ARSJ: variants seen among roughly 807,000 people sequenced by gnomAD.
ARSJ encodes arylsulfatase J.
In ARSJ, 26 loss-of-function variants were observed where a neutral mutation model predicts 35.9. The observed-to-expected ratio is 0.72, with a 90% confidence interval of 0.53 to 1.00. The LOEUF (loss-of-function observed/expected upper bound fraction) is 1.00, where lower values mean the gene tolerates loss of function less well. ARSJ is among the 50% of genes least tolerant of loss of function. The pLI is 0.00. For missense variants in ARSJ, 667 were observed against 723.6 expected, an observed-to-expected ratio of 0.92 and a Z score of 0.90; for synonymous variants, 294 against 267.6, an observed-to-expected ratio of 1.10 and a Z score of -0.96.
intron 1 of ARSJ, among the ~76,000 whole-genome samples, chr4:113,919,480 T>C (rs1198860574): frequency 2.6e-5 from 4 of 152,184 alleles, no homozygotes; most frequent in African/African-American, 9.6e-5. Context: ...ATATAAATTA[T>C]AACGTGCTCA....
chr4:113,978,854 G>T lies in ARSJ; in HGVS notation c.-20C>A, dbSNP rs754736247. 1 of 1,571,138 alleles carries T rather than the reference G, an allele frequency of 6.4e-7. No individual in the cohort carries two copies. The highest frequency in any genetic ancestry group is 1.9e-5 in the Admixed American group (1 of 52,202). Reference sequence around the variant, plus strand: ...AGCCATTCACTCAGGTCCCAGGTGAGACTCCACGCGGAGAACCACGCGCCC... The same window carrying T: ...AGCCATTCACTCAGGTCCCAGGTGATACTCCACGCGGAGAACCACGCGCCC... On this transcript the variant is annotated 5_prime_UTR_variant, in exon 1 of 2. Coordinates refer to ENST00000315366, the MANE Select transcript of ARSJ (RefSeq NM_024590.4).
chr4:113,926,472 T>C lies in ARSJ; in HGVS notation c.399-22797A>G, dbSNP rs967819704. ...GGTGTCTGCATGTTGTGCAGAACCA[T>C]CTATGAATCAGGCCCTAGTCTTCTC... is the stretch of plus-strand genomic sequence containing the variant. On this transcript the variant is annotated intron_variant, in intron 1 of 1. Transcript: ENST00000315366. Among the ~76,000 whole-genome samples the C allele has an allele frequency of 2.6e-5, 4 of 152,182 alleles. No individual in the cohort carries two copies. The East Asian group carries it at 7.7e-4, about 29-fold the overall frequency.
At chr4:113,961,500 C>T (rs1726535375) in intron 1 of ARSJ, among the ~76,000 whole-genome samples, 1 of 152,042 alleles carries the variant, frequency 6.6e-6, no homozygotes. Flanking sequence ...AAATCTTTCT[C>T]AATGTCTGCA....
Position 113,902,182 on chromosome 4 carries a change from C to A in ARSJ, c.*92G>T, listed in dbSNP as rs2099667281. On this transcript the variant is annotated 3_prime_UTR_variant, in exon 2 of 2. Coordinates refer to ENST00000315366, the MANE Select transcript of ARSJ (RefSeq NM_024590.4). ...AAAACAAGCCTGACGCTTAGGCCAG[C>A]GATATTATCGAGCCAAATTTGCTGG... The A allele has an allele frequency of 6.3e-7, 1 of 1,598,978 alleles. No individual in the cohort carries two copies. Among genetic ancestry groups the A allele is most frequent in the Non-Finnish European group, 8.5e-7 (1 of 1,179,860 alleles).
At chr4:113,964,402 T>C (rs1345445010) in intron 1 of ARSJ, among the ~76,000 whole-genome samples, 1 of 152,140 alleles carries the variant, frequency 6.6e-6, no homozygotes, top group Non-Finnish European at 1.5e-5. Flanking sequence ...CAGAAACTCA[T>C]TATTCAGTTA....
At chr4:113,930,035 T>C (rs535925189) in intron 1 of ARSJ, among the ~76,000 whole-genome samples, 1 of 152,218 alleles carries the variant, frequency 6.6e-6, no homozygotes, top group South Asian at 2.1e-4. Context: ...GGTCTAATCA[T>C]ATTAAGCAGC....
intron 1 of ARSJ, among the ~76,000 whole-genome samples, chr4:113,921,829 T>G (rs1723699379): frequency 6.6e-6 from 1 of 152,162 alleles, no homozygotes; most frequent in Non-Finnish European, 1.5e-5. Context: ...AATAGTCACA[T>G]GCAGGCAACC....
Position 113,902,657 on chromosome 4 carries a change from T to A in ARSJ, c.1417A>T (p.Ser473Cys). ...YSDWVPPQSF[S>C]NLGPNRWHNE... Reference sequence around the variant, plus strand: ...TGCCACCGGTTCGGTCCCAGGTTGCTGAAAGACTGAGGGGGGACCCAGTCG... The same window carrying A: ...TGCCACCGGTTCGGTCCCAGGTTGCAGAAAGACTGAGGGGGGACCCAGTCG... Residue 473 changes from serine (S) to cysteine (C), a missense_variant, in exon 2 of 2, where the codon AGC (serine) becomes TGC (cysteine). Ser to Cys is a moderately radical substitution (Grantham distance 112). Transcript: ENST00000315366. 1 of 1,614,202 alleles carries A rather than the reference T, an allele frequency of 6.2e-7. No individual in the cohort carries two copies. The highest frequency in any genetic ancestry group is 8.5e-7 in the Non-Finnish European group (1 of 1,180,034).
intron 1 of ARSJ, among the ~76,000 whole-genome samples, chr4:113,921,787 G>A (rs547633231): frequency 1.3e-5 from 2 of 152,104 alleles, no homozygotes; most frequent in African/African-American, 2.4e-5. Flanking sequence ...GCAGTTTCTC[G>A]GCCAAATATG....
At chr4:113,954,953 A>T (rs898413289) in intron 1 of ARSJ, among the ~76,000 whole-genome samples, 1 of 150,738 alleles carries the variant, frequency 6.6e-6, no homozygotes, top group Non-Finnish European at 1.5e-5. Context: ...CTGTAAACAG[A>T]AGTATGTCCT....
At chr4:113,961,869 G>A (rs1325973686) in intron 1 of ARSJ, among the ~76,000 whole-genome samples, 8 of 151,082 alleles carry the variant, frequency 5.3e-5, no homozygotes, top group African/African-American at 1.7e-4. Context: ...ACATGTATGT[G>A]TGCCTGTGTT....
intron 1 of ARSJ, among the ~76,000 whole-genome samples, chr4:113,944,878 C>CTGA (rs1441373577): frequency 6.6e-6 from 1 of 151,910 alleles, no homozygotes; most frequent in African/African-American, 2.4e-5. Flanking sequence ...TTTAACATTC[C>CTGA]TGATTGTATA....
chr4:113,940,871 A>G (rs929824179), intron 1 of ARSJ, among the ~76,000 whole-genome samples: 2 of 151,972 alleles, frequency 1.3e-5, no homozygotes, highest in African/African-American at 4.8e-5. Context: ...GTCTGGGCAT[A>G]TATGTTAAGG....
Position 113,902,195 on chromosome 4 carries a change from C to A in ARSJ, c.*79G>T, listed in dbSNP as rs766442195. 5 of 1,599,398 alleles carry A rather than the reference C, an allele frequency of 3.1e-6. No individual in the cohort carries two copies. Among genetic ancestry groups the A allele is most frequent in the Admixed American group, 3.3e-5 (2 of 60,006 alleles). On this transcript the variant is annotated 3_prime_UTR_variant, in exon 2 of 2. Coordinates refer to ENST00000315366, the MANE Select transcript of ARSJ (RefSeq NM_024590.4). ...CGCTTAGGCCAGCGATATTATCGAG[C>A]CAAATTTGCTGGTTTACCTAGGAAA... is the stretch of plus-strand genomic sequence containing the variant.
intron 1 of ARSJ, among the ~76,000 whole-genome samples, chr4:113,932,719 G>C (rs906936516): frequency 2.6e-5 from 4 of 151,754 alleles, no homozygotes; most frequent in African/African-American, 9.7e-5. Flanking sequence ...AGCATGAAGA[G>C]GAAAGTTTAT....
chr4:113,914,124 C>G (rs1003516415), intron 1 of ARSJ, among the ~76,000 whole-genome samples: 1 of 152,046 alleles, frequency 6.6e-6, no homozygotes, highest in Non-Finnish European at 1.5e-5. Context: ...CAGGCACCCA[C>G]CACCACGCCC....
rs1167516501 is a variant in ARSJ, at chr4:113,903,603, A to G, written c.471T>C (p.Asn157=). 2.5e-6 allele frequency: 4 copies of G among 1,614,056 alleles called. No individual in the cohort carries two copies. The highest frequency in any genetic ancestry group is 3.4e-6 in the Non-Finnish European group (4 of 1,180,036). ...PTQPNCLPLD[N]ATLPQKLKEV... is the part of the protein sequence containing the mutation. Reference sequence around the variant, plus strand: ...CCTTCAGTTTCTGAGGTAGGGTGGCATTGTCCAGAGGTAAACAGTTGGGTT... The same window carrying G: ...CCTTCAGTTTCTGAGGTAGGGTGGCGTTGTCCAGAGGTAAACAGTTGGGTT... Residue 157 remains asparagine, a synonymous_variant, in exon 2 of 2, where the codon AAT becomes AAC. Coordinates refer to ENST00000315366, the MANE Select transcript of ARSJ (RefSeq NM_024590.4).
At chr4:113,924,654 A>G (rs1458684002) in intron 1 of ARSJ, among the ~76,000 whole-genome samples, 1 of 152,174 alleles carries the variant, frequency 6.6e-6, no homozygotes, top group African/African-American at 2.4e-5. Context: ...CTCAAATACT[A>G]TTACATAAAG....
intron 1 of ARSJ, among the ~76,000 whole-genome samples, chr4:113,969,158 C>T (rs752656019): frequency 6.6e-6 from 1 of 152,164 alleles, no homozygotes; most frequent in Admixed American, 6.5e-5. Context: ...ATACACATTT[C>T]CTCTCACTTG....
Sources: allele counts gnomAD v4.1 joint callset (sites outside exome capture counted in the v4.1 genomes callset), GRCh38; gene constraint gnomAD v4.1.1; transcripts MANE v1.5; gene names NCBI Gene and HGNC (gene_info 2026-07-23, HGNC 2026-07-21).